The following ANKS1B variants were observed in gnomAD, a reference collection of about 807,000 sequenced individuals.
ANKS1B encodes the protein ankyrin repeat and sterile alpha motif domain-containing protein 1B.
Under a neutral mutation model 148.3 loss-of-function variants are expected in ANKS1B, and 36 were observed. That is an observed-to-expected ratio of 0.24 (90% CI 0.19 to 0.32). The LOEUF (loss-of-function observed/expected upper bound fraction) is 0.32, where lower values mean the gene tolerates loss of function less well. ANKS1B is among the 10% of genes least tolerant of loss of function. ANKS1B has a pLI of 1.00. For missense variants in ANKS1B, 1,157 were observed against 1,542.6 expected (o/e 0.75, Z 4.19); for synonymous variants, 542 against 560.8 (o/e 0.97, Z 0.47).
At chr12:98,872,061 T>C (rs1251336155) in intron 17 of ANKS1B, among the ~76,000 whole-genome samples, 1 of 152,204 alleles carries the variant, frequency 6.6e-6, no homozygotes, top group Non-Finnish European at 1.5e-5. Context: ...AGATAAGAGC[T>C]CATCATATAT....
chr12:98,993,957 T>C (rs945772185), intron 17 of ANKS1B, among the ~76,000 whole-genome samples: 1 of 152,236 alleles, frequency 6.6e-6, no homozygotes, highest in Non-Finnish European at 1.5e-5. Context: ...GTTATAGTTA[T>C]GTTGAAAGTA....
At chr12:98,776,516 T>C (rs1277958595) in intron 24 of ANKS1B, among the ~76,000 whole-genome samples, 1 of 152,236 alleles carries the variant, frequency 6.6e-6, no homozygotes, top group Non-Finnish European at 1.5e-5. Context: ...GTTTTGCCTG[T>C]CTGTTGTTTG....
intron 9 of ANKS1B, among the ~76,000 whole-genome samples, chr12:99,570,702 A>G (rs1478708290): frequency 6.6e-6 from 1 of 151,664 alleles, no homozygotes; most frequent in Non-Finnish European, 1.5e-5. Flanking sequence ...ATGAACATTG[A>G]TGAAGCTGGG....
chr12:98,936,063 A>C (rs1194271094), intron 17 of ANKS1B, among the ~76,000 whole-genome samples: 2 of 152,234 alleles, frequency 1.3e-5, no homozygotes, highest in East Asian at 3.8e-4. Context: ...AATTATATGC[A>C]ATGTTCAGTT....
intron 1 of ANKS1B, among the ~76,000 whole-genome samples, chr12:99,851,731 G>A (rs1439553339): frequency 6.6e-6 from 1 of 152,092 alleles, no homozygotes; most frequent in Non-Finnish European, 1.5e-5. Flanking sequence ...ATGGGCATAT[G>A]TTTCACACTG....
intron 9 of ANKS1B, among the ~76,000 whole-genome samples, chr12:99,638,955 T>C (rs934964871): frequency 3.3e-5 from 5 of 152,056 alleles, no homozygotes; most frequent in African/African-American, 9.7e-5. Context: ...CCATGTGGTG[T>C]TGGTCCTGCA....
At chr12:99,648,079 A>C (rs1598798089) in intron 9 of ANKS1B, 1 of 1,504,646 alleles carries the variant, frequency 6.6e-7, no homozygotes, top group Non-Finnish European at 8.9e-7. Context: ...CTGCTGGCCC[A>C]CCTGCCAGAG....
chr12:98,860,857 G>A (rs12227960), intron 17 of ANKS1B, among the ~76,000 whole-genome samples: 58,178 of 151,934 alleles, frequency 0.38, 11,382 homozygotes, highest in East Asian at 0.48. Context: ...AGTCCGGTAC[G>A]GGTATCCTGG....
intron 17 of ANKS1B, among the ~76,000 whole-genome samples, chr12:99,037,173 C>T (rs2153477918): frequency 6.6e-6 from 1 of 152,290 alleles, no homozygotes; most frequent in African/African-American, 2.4e-5. Context: ...CACTTGAAAA[C>T]TTATAGTCAG....
At chr12:99,004,489 G>C (rs2099934952) in intron 17 of ANKS1B, among the ~76,000 whole-genome samples, 1 of 152,138 alleles carries the variant, frequency 6.6e-6, no homozygotes, top group South Asian at 2.1e-4. Flanking sequence ...ATAAGTCTTA[G>C]ATGAATAAGT....
intron 2 of ANKS1B, among the ~76,000 whole-genome samples, chr12:99,813,710 A>G (rs2153669124): frequency 6.6e-6 from 1 of 151,904 alleles, no homozygotes; most frequent in African/African-American, 2.4e-5. Context: ...AATATGTTGT[A>G]GAAATATTTA....
chr12:99,296,242 A>G (rs2080858183), intron 12 of ANKS1B, among the ~76,000 whole-genome samples: 1 of 152,134 alleles, frequency 6.6e-6, no homozygotes, highest in South Asian at 2.1e-4. Flanking sequence ...ACTTTATACT[A>G]TATCTTGAAG....
Position 98,995,504 on chromosome 12 carries a change from C to T in ANKS1B, c.2778+57653G>A, listed in dbSNP as rs1035407158. Among the ~76,000 whole-genome samples, 38 of 152,094 alleles carry T rather than the reference C, an allele frequency of 2.5e-4. 1 individual carries two copies. The highest frequency in any genetic ancestry group is 8.2e-4 in the African/African-American group (34 of 41,422). ...GCTAAATGACTTGTCAAAGGTTCTA[C>T]GGCAATTAAGTAGCAGAATTGGAAT... On this transcript the variant is annotated intron_variant, in intron 17 of 26. Coordinates refer to ENST00000683438, the MANE Select transcript of ANKS1B (RefSeq NM_001352186.2).
At chr12:98,746,614 T>A (rs1471969264) in intron 26 of ANKS1B, among the ~76,000 whole-genome samples, 2 of 152,202 alleles carry the variant, frequency 1.3e-5, no homozygotes, top group African/African-American at 4.8e-5. Flanking sequence ...CATCCTCCAC[T>A]GCCACGTATG....
chr12:99,287,912 T>A (rs967552008), intron 12 of ANKS1B, among the ~76,000 whole-genome samples: 1 of 152,070 alleles, frequency 6.6e-6, no homozygotes, highest in Admixed American at 6.6e-5. Context: ...GCCCATAAGA[T>A]GTAGAAAATA....
At chr12:99,260,705 T>C (rs111503606) in intron 12 of ANKS1B, among the ~76,000 whole-genome samples, 14 of 152,330 alleles carry the variant, frequency 9.2e-5, no homozygotes, top group African/African-American at 3.1e-4. Context: ...TGTTTCCATC[T>C]GATTCAGAGA....
intron 12 of ANKS1B, among the ~76,000 whole-genome samples, chr12:99,351,646 T>G (rs533191812): frequency 6.0e-4 from 91 of 152,094 alleles, no homozygotes; most frequent in African/African-American, 2.1e-3. Context: ...GGATTAGAAA[T>G]AATACAGATA....
At chr12:98,782,293 G>T (rs1566438070) in intron 22 of ANKS1B, among the ~76,000 whole-genome samples, 156 bp from the exon 23 acceptor site, 1 of 152,150 alleles carries the variant, frequency 6.6e-6, no homozygotes, top group South Asian at 2.1e-4. Context: ...AGTCATCAAA[G>T]ATGCAGTGCC....
intron 8 of ANKS1B, among the ~76,000 whole-genome samples, chr12:99,753,879 C>T (rs141393471): frequency 1.2e-4 from 18 of 151,924 alleles, no homozygotes; most frequent in South Asian, 4.2e-4. Flanking sequence ...AAAAATCAGC[C>T]GGGCATGGTG....
Sources: gnomAD v4.1 joint callset for allele counts (sites outside exome capture counted in the v4.1 genomes callset) on GRCh38, gnomAD v4.1.1 for gene constraint, MANE v1.5 for transcripts, NCBI Gene and HGNC (gene_info 2026-07-23, HGNC 2026-07-21) for gene names.